NUSAP1: variants seen among roughly 807,000 people sequenced by gnomAD.
The protein encoded by NUSAP1 is nucleolar and spindle-associated protein 1.
In NUSAP1, 32 loss-of-function variants were observed where a neutral mutation model predicts 52.8. The observed-to-expected ratio is 0.61, with a 90% CI of 0.46 to 0.81. The LOEUF (loss-of-function observed/expected upper bound fraction) is 0.81, where lower values mean the gene tolerates loss of function less well. Ranked by LOEUF, NUSAP1 falls within the 40% of genes least tolerant of loss-of-function variation. The pLI is 0.00. For synonymous variants in NUSAP1, 195 were observed against 183.1 expected (o/e 1.06, Z -0.52); for missense variants, 499 against 522.3 (o/e 0.96, Z 0.43).
Position 41,350,930 on chromosome 15 carries a change from G to A in NUSAP1, c.307-58G>A, listed in dbSNP as rs956276952. 4.8e-6 allele frequency: 7 copies of A among 1,447,834 alleles called. No homozygotes were observed. The Admixed American group carries it at 6.2e-5, about 13-fold the overall frequency. The allele number at this position is 1,447,834 out of a possible 1,614,324, so 89.7% of individuals were successfully genotyped here. A position where few individuals can be genotyped will look rare whatever the true frequency, so the allele number is the denominator to read the frequency against. Reference sequence around the variant, plus strand: ...CCCCCTCACTTTGGTACTTATCTTTGGAAGGCAGCAATTCTTATTTATCAT... The same window carrying A: ...CCCCCTCACTTTGGTACTTATCTTTAGAAGGCAGCAATTCTTATTTATCAT... On this transcript the variant is annotated intron_variant, in intron 3 of 10. Transcript: ENST00000559596.
chr15:41,347,263 T>A (rs1390077222), intron 2 of NUSAP1, among the ~76,000 whole-genome samples: 7 of 152,142 alleles, frequency 4.6e-5, no homozygotes, highest in Non-Finnish European at 8.8e-5. Context: ...AATAGTGAAA[T>A]TGACTGACTA....
chr15:41,374,016 C>T (rs907711545), intron 8 of NUSAP1, among the ~76,000 whole-genome samples: 1 of 152,082 alleles, frequency 6.6e-6, no homozygotes, highest in South Asian at 2.1e-4. Context: ...ACTGAAACCC[C>T]GTCTCTACTA....
rs184714557 is a variant in NUSAP1 at position 41,380,339 on chromosome 15, A to G, written c.*153A>G. 34 of 538,004 alleles carry G rather than the reference A, an allele frequency of 6.3e-5. No individual in the cohort carries two copies. The highest frequency in any genetic ancestry group is 9.9e-4 in the Middle Eastern group (2 of 2,014). The allele number at this position is 538,004 out of a possible 1,614,324, so 33.3% of individuals were successfully genotyped here. Reference sequence around the variant, plus strand: ...AGTGTCCATGGGTTCTTCATGTGCTATGATCTCTGAAAAGACGTTATCACC... The same window carrying G: ...AGTGTCCATGGGTTCTTCATGTGCTGTGATCTCTGAAAAGACGTTATCACC... On this transcript the variant is annotated 3_prime_UTR_variant, in exon 11 of 11. Transcript: ENST00000559596.
At chr15:41,334,099 A>AT (rs140711980) in intron 1 of NUSAP1, among the ~76,000 whole-genome samples, 2,692 of 148,504 alleles carry the variant, frequency 0.018, 92 homozygotes, top group African/African-American at 0.062. Flanking sequence ...AATCGTCACA[A>AT]TTTTTTTTTT....
At chr15:41,355,577 T>C (rs8023530) in intron 4 of NUSAP1, among the ~76,000 whole-genome samples, 43,451 of 152,014 alleles carry the variant, frequency 0.29, 6,622 homozygotes, top group African/African-American at 0.38. Flanking sequence ...GTAACTAATT[T>C]TTTGTGCTCC....
At chr15:41,350,176 C>T (rs1180501512) in intron 3 of NUSAP1, among the ~76,000 whole-genome samples, 3 of 152,054 alleles carry the variant, frequency 2.0e-5, no homozygotes, top group Admixed American at 2.0e-4. Context: ...AGGCACGCAC[C>T]GGCTCGGAGG....
intron 3 of NUSAP1, among the ~76,000 whole-genome samples, chr15:41,350,444 T>C (rs965636255): frequency 2.6e-5 from 4 of 151,826 alleles, no homozygotes; most frequent in African/African-American, 9.7e-5. Context: ...TAAAAGAACT[T>C]GTATTTCTCT....
chr15:41,378,944 G>GTTTTGTTTTT, intron 10 of NUSAP1, among the ~76,000 whole-genome samples: 1 of 63,262 alleles, frequency 1.6e-5, no homozygotes, highest in African/African-American at 7.0e-5. Flanking sequence ...ACTTATCTTG[G>GTTTTGTTTTT]TTTTTTTTTT....
chr15:41,370,025 C>T (rs555847524), intron 7 of NUSAP1, among the ~76,000 whole-genome samples: 70 of 151,018 alleles, frequency 4.6e-4, no homozygotes, highest in African/African-American at 1.6e-3. Context: ...GCCGAGATCA[C>T]GCCACTGCAC....
At chr15:41,350,722 A>G (rs1288334994) in intron 3 of NUSAP1, among the ~76,000 whole-genome samples, 2 of 152,160 alleles carry the variant, frequency 1.3e-5, no homozygotes, top group African/African-American at 2.4e-5. Context: ...TGCTCAGTAG[A>G]CTGTCTAGGT....
Position 41,333,005 on chromosome 15 carries a change from C to T in NUSAP1, c.48C>T (p.Asp16=). Residue 16 remains aspartate (D), a synonymous_variant, in exon 1 of 11, where the codon GAC becomes GAT. Coordinates refer to ENST00000559596, the MANE Select transcript of NUSAP1 (RefSeq NM_016359.5). ...LEELDSLKYS[D]LQNLAKSLGL... ...AGCTGGACTCCCTCAAGTACAGTGA[C>T]CTGCAGAACTTAGCCAAGAGTCTGG... 4 of 1,612,302 alleles carry T rather than the reference C, an allele frequency of 2.5e-6. No individual in the cohort carries two copies. The highest frequency in any genetic ancestry group is 3.4e-6 in the Non-Finnish European group (4 of 1,179,198).
intron 4 of NUSAP1, among the ~76,000 whole-genome samples, chr15:41,355,196 C>CA (rs1304897797): frequency 6.6e-6 from 1 of 150,716 alleles, no homozygotes; most frequent in East Asian, 2.0e-4. Flanking sequence ...TTTTTTGAGA[C>CA]AGAGTCTCGC....
At chr15:41,378,357 G>C (rs1343337158) in intron 10 of NUSAP1, among the ~76,000 whole-genome samples, 1 of 152,200 alleles carries the variant, frequency 6.6e-6, no homozygotes, top group African/African-American at 2.4e-5. Flanking sequence ...TGAAAACCAA[G>C]TTAAAGCCAG....
intron 1 of NUSAP1, among the ~76,000 whole-genome samples, chr15:41,341,636 C>T (rs1309948963): frequency 6.6e-6 from 1 of 152,192 alleles, no homozygotes. Flanking sequence ...ACTGATTTCA[C>T]TTCCTAAGAA....
At chr15:41,342,834 G>A (rs190676677) in intron 2 of NUSAP1, among the ~76,000 whole-genome samples, 49 of 151,644 alleles carry the variant, frequency 3.2e-4, no homozygotes, top group Admixed American at 9.2e-4. Context: ...GCAAGACTCC[G>A]TTCAAAAAAC....
chr15:41,354,144 A>G (rs551660980), intron 4 of NUSAP1, among the ~76,000 whole-genome samples: 117 of 152,302 alleles, frequency 7.7e-4, no homozygotes, highest in Non-Finnish European at 1.3e-3. Context: ...AGGAGGCTGA[A>G]GCAGAAGTAT....
chr15:41,354,639 A>G (rs2048894968), intron 4 of NUSAP1, among the ~76,000 whole-genome samples: 2 of 150,836 alleles, frequency 1.3e-5, no homozygotes, highest in Admixed American at 6.7e-5. Flanking sequence ...TATTATGTTC[A>G]TAATAAAAAC....
chr15:41,348,884 C>T lies in NUSAP1; in HGVS notation c.163-214C>T, dbSNP rs140396726. 7.2e-3 allele frequency among the ~76,000 whole-genome samples: 1,092 copies of T among 150,634 alleles called. 9 individuals carry two copies. The highest frequency in any genetic ancestry group is 0.013 in the Non-Finnish European group (854 of 66,836). Reference sequence around the variant, plus strand: ...CTAACCTCAGGTGATCCACTCGCCTCGGTCTCCCAAAGTGCTGGGATTACA... The same window carrying T: ...CTAACCTCAGGTGATCCACTCGCCTTGGTCTCCCAAAGTGCTGGGATTACA... On this transcript the variant is annotated intron_variant, in intron 2 of 10. Coordinates refer to ENST00000559596, the MANE Select transcript of NUSAP1 (RefSeq NM_016359.5).
chr15:41,371,468 C>T, intron 7 of NUSAP1, 59 bp from the exon 8 acceptor site: 3 of 1,414,940 alleles, frequency 2.1e-6, no homozygotes, highest in Non-Finnish European at 1.9e-6. Context: ...TATTTATAAG[C>T]TAGACACAAG....
Sources: allele counts gnomAD v4.1 joint callset (sites outside exome capture counted in the v4.1 genomes callset), GRCh38; gene constraint gnomAD v4.1.1; transcripts MANE v1.5; gene names NCBI Gene and HGNC (gene_info 2026-07-23, HGNC 2026-07-21).